Variants in CADM1 observed in about 807,000 individuals in gnomAD.
The protein encoded by CADM1 is TSLC-1.
In CADM1, 15 loss-of-function variants were observed where a neutral mutation model predicts 53.1. The observed-to-expected ratio is 0.28, with a 90% CI of 0.19 to 0.44. CADM1 has a LOEUF of 0.44. Ranked by LOEUF, CADM1 falls within the 20% of genes least tolerant of loss-of-function variation. The pLI is 1.00. For missense variants in CADM1, 434 were observed against 611.3 expected, an observed-to-expected ratio of 0.71 and a Z score of 3.06; for synonymous variants, 281 against 243.0, an observed-to-expected ratio of 1.16 and a Z score of -1.45.
At chr11:115,439,257 A>G (rs1948254230) in intron 1 of CADM1, among the ~76,000 whole-genome samples, 1 of 152,214 alleles carries the variant, frequency 6.6e-6, no homozygotes, top group Non-Finnish European at 1.5e-5. Context: ...AGATAATATT[A>G]TGGACATACA....
chr11:115,344,967 C>T (rs1945539532), intron 1 of CADM1, among the ~76,000 whole-genome samples: 3 of 152,286 alleles, frequency 2.0e-5, no homozygotes, highest in Admixed American at 2.0e-4. Flanking sequence ...CACAATTCTC[C>T]AGCATCCCAG....
At chr11:115,463,180 T>C (rs1948831181) in intron 1 of CADM1, among the ~76,000 whole-genome samples, 2 of 152,168 alleles carry the variant, frequency 1.3e-5, no homozygotes. Context: ...AGGCTATTGA[T>C]TGATCCTATG....
At chr11:115,451,006 T>C (rs1402972675) in intron 1 of CADM1, among the ~76,000 whole-genome samples, 1 of 152,172 alleles carries the variant, frequency 6.6e-6, no homozygotes, top group Non-Finnish European at 1.5e-5. Flanking sequence ...CACAAAAACC[T>C]AAAGGAGCCA....
At chr11:115,502,736 C>A (rs1441694125) in intron 1 of CADM1, among the ~76,000 whole-genome samples, 1 of 152,166 alleles carries the variant, frequency 6.6e-6, no homozygotes, top group Non-Finnish European at 1.5e-5. Flanking sequence ...AGCAGCCAAC[C>A]CGGCGTCCCC....
At chr11:115,282,786 C>T (rs1653898723) in intron 1 of CADM1, among the ~76,000 whole-genome samples, 1 of 152,148 alleles carries the variant, frequency 6.6e-6, no homozygotes, top group Non-Finnish European at 1.5e-5. Flanking sequence ...AATTAGGGAA[C>T]AGTCAGGATC....
chr11:115,488,791 C>T (rs1475598217), intron 1 of CADM1, among the ~76,000 whole-genome samples: 1 of 152,138 alleles, frequency 6.6e-6, no homozygotes. Context: ...GTGGAAGCAT[C>T]GCCACAAAAC....
At position 115,504,260 on chromosome 11, in the gene CADM1, C is replaced by G. The variant is rs1329164023; in HGVS notation, c.124+11G>C. 6.4e-7 allele frequency: 1 copy of G among 1,571,490 alleles called. No individual in the cohort carries two copies. Among genetic ancestry groups the G allele is most frequent in the Admixed American group, 1.9e-5 (1 of 53,478 alleles). Reference sequence around the variant, plus strand: ...AGATTTAGGGGCCAACCGGTCGGTGCCCACACCTACCTGTGGGGATCAGTG... The same window carrying G: ...AGATTTAGGGGCCAACCGGTCGGTGGCCACACCTACCTGTGGGGATCAGTG... On this transcript the variant is annotated intron_variant, in intron 1 of 11. Coordinates refer to ENST00000331581, the MANE Select transcript of CADM1 (RefSeq NM_001301043.2).
chr11:115,456,775 T>C (rs1440578952), intron 1 of CADM1, among the ~76,000 whole-genome samples: 1 of 152,156 alleles, frequency 6.6e-6, no homozygotes, highest in Non-Finnish European at 1.5e-5. Flanking sequence ...ATAATGTATG[T>C]CATGTGTATT....
At chr11:115,199,266 TC>T (rs1170020576) in intron 8 of CADM1, among the ~76,000 whole-genome samples, 7 of 152,214 alleles carry the variant, frequency 4.6e-5, no homozygotes, top group Admixed American at 1.3e-4. Context: ...AGCCATCCTT[TC>T]GCTCACAATT....
intron 1 of CADM1, among the ~76,000 whole-genome samples, chr11:115,356,125 C>T (rs1170197543): frequency 6.6e-6 from 1 of 152,008 alleles, no homozygotes; most frequent in Non-Finnish European, 1.5e-5. Context: ...GCTACCGCGC[C>T]CGGCTGAGGT....
chr11:115,322,206 A>G (rs1944841191), intron 1 of CADM1, among the ~76,000 whole-genome samples: 2 of 152,172 alleles, frequency 1.3e-5, no homozygotes, highest in Non-Finnish European at 2.9e-5. Flanking sequence ...ACACACTGTA[A>G]CAAGACCACT....
intron 1 of CADM1, among the ~76,000 whole-genome samples, chr11:115,350,001 C>T (rs1945684374): frequency 2.0e-5 from 3 of 151,982 alleles, no homozygotes; most frequent in South Asian, 2.1e-4. Flanking sequence ...GATGGAGTTT[C>T]GCTCTTGTGG....
chr11:115,265,595 T>C (rs537988356), intron 1 of CADM1, among the ~76,000 whole-genome samples: 45 of 152,320 alleles, frequency 3.0e-4, no homozygotes, highest in African/African-American at 8.2e-4. Flanking sequence ...GTCTCCACCA[T>C]TGAATACACC....
rs935646149 is a variant in CADM1 at position 115,325,677 on chromosome 11, C to T, written c.125-85257G>A. Among the ~76,000 whole-genome samples, 45 of 152,130 alleles carry T rather than the reference C, an allele frequency of 3.0e-4. 1 individual carries two copies. The highest frequency in any genetic ancestry group is 1.3e-3 in the Admixed American group (20 of 15,266). ...ATCTTTCAGTCTTTTCTCATCTCTG[C>T]CTGACTATAACTGCCCTGAATTTAT... is the stretch of plus-strand genomic sequence containing the variant. On this transcript the variant is annotated intron_variant, in intron 1 of 11. Transcript: ENST00000331581.
chr11:115,232,151 A>G (rs10458967), intron 3 of CADM1, among the ~76,000 whole-genome samples: 8,727 of 152,252 alleles, frequency 0.057, 362 homozygotes, highest in Admixed American at 0.14. Context: ...TGAAATGATC[A>G]TCCTTACCAG....
chr11:115,256,169 A>G (rs887744656), intron 1 of CADM1, among the ~76,000 whole-genome samples: 1 of 152,240 alleles, frequency 6.6e-6, no homozygotes, highest in Non-Finnish European at 1.5e-5. Flanking sequence ...GAAGTGATGA[A>G]ATTCAGCTAT....
rs149680100 is a variant in CADM1 at position 115,401,059 on chromosome 11, T to C, written c.124+103212A>G. 1.5e-3 allele frequency among the ~76,000 whole-genome samples: 236 copies of C among 152,272 alleles called. 7 individuals carry two copies. In the East Asian group the frequency reaches 0.031, roughly 20 times the overall value. On this transcript the variant is annotated intron_variant, in intron 1 of 11. Transcript: ENST00000331581. ...CCCGCACGCAGATGTTTATGACAGC[T>C]TCATTCGTAATTGCCAAAACTTGTA...
chr11:115,236,462 G>C (rs1334075518), intron 3 of CADM1, among the ~76,000 whole-genome samples: 1 of 152,154 alleles, frequency 6.6e-6, no homozygotes, highest in Non-Finnish European at 1.5e-5. Context: ...ACTTGAAAGT[G>C]CTACTTTCAA....
intron 1 of CADM1, among the ~76,000 whole-genome samples, chr11:115,295,620 C>G (rs1944058486): frequency 6.8e-6 from 1 of 146,042 alleles, no homozygotes; most frequent in South Asian, 2.2e-4. Context: ...TCTTAAAAGG[C>G]TTCAATTACT....
Sources: gnomAD v4.1 joint callset for allele counts (sites outside exome capture counted in the v4.1 genomes callset) on GRCh38, gnomAD v4.1.1 for gene constraint, MANE v1.5 for transcripts, NCBI Gene and HGNC (gene_info 2026-07-23, HGNC 2026-07-21) for gene names.